The following KLF12 variants were observed in gnomAD, a reference collection of about 807,000 sequenced individuals.
KLF12 encodes KLF transcription factor 12, also known as Krueppel-like factor 12.
A neutral mutation model predicts 37.8 loss-of-function variants in KLF12; 9 were observed. That is an observed-to-expected ratio of 0.24 (90% CI 0.14 to 0.42). The LOEUF (loss-of-function observed/expected upper bound fraction) is 0.42, where lower values mean the gene tolerates loss of function less well. Among genes scored for constraint, KLF12 ranks in the 10% least tolerant of loss-of-function variants. The pLI is 1.00. For synonymous variants in KLF12, 208 were observed against 202.1 expected, an observed-to-expected ratio of 1.03 and a Z score of -0.25; for missense variants, 411 against 516.0, an observed-to-expected ratio of 0.80 and a Z score of 1.97.
intron 5 of KLF12, among the ~76,000 whole-genome samples, chr13:73,807,954 A>G (rs1882733064): frequency 6.6e-6 from 1 of 152,200 alleles, no homozygotes; most frequent in Admixed American, 6.5e-5. Flanking sequence ...ATAAATGAGC[A>G]TTATGAATGT....
intron 5 of KLF12, among the ~76,000 whole-genome samples, chr13:73,793,056 G>C (rs1369686109): frequency 6.6e-6 from 1 of 152,136 alleles, no homozygotes; most frequent in Non-Finnish European, 1.5e-5. Context: ...ACATGAATTT[G>C]AAAACAACTA....
At chr13:73,776,970 T>C (rs982337559) in intron 5 of KLF12, among the ~76,000 whole-genome samples, 1 of 152,050 alleles carries the variant, frequency 6.6e-6, no homozygotes, top group Non-Finnish European at 1.5e-5. Flanking sequence ...TGGGGAAGTA[T>C]ACAATAGTCT....
At chr13:74,063,990 A>G (rs910274335) in intron 1 of KLF12, among the ~76,000 whole-genome samples, 9 of 152,220 alleles carry the variant, frequency 5.9e-5, no homozygotes, top group Non-Finnish European at 1.2e-4. Flanking sequence ...AGAAGCTTCC[A>G]TATGATTCTA....
upstream of KLF12, among the ~76,000 whole-genome samples, chr13:74,134,136 G>A (rs929983081): frequency 7.4e-6 from 1 of 135,142 alleles, no homozygotes; most frequent in Non-Finnish European, 1.6e-5. Flanking sequence ...GCAGCCCGCA[G>A]CTCAGGAAAC....
At chr13:74,174,664 A>G in the KLF12 span, among the ~76,000 whole-genome samples, 9 of 152,106 alleles carry the variant, frequency 5.9e-5, no homozygotes, top group Non-Finnish European at 7.3e-5. Flanking sequence ...AGAGCAACAG[A>G]TGGTTTAACT....
At chr13:73,747,673 G>C (rs1261358889) in intron 6 of KLF12, among the ~76,000 whole-genome samples, 11 of 152,088 alleles carry the variant, frequency 7.2e-5, no homozygotes, top group African/African-American at 2.7e-4. Context: ...ATGTAATATA[G>C]TGCATTTAAT....
the KLF12 span, among the ~76,000 whole-genome samples, chr13:74,249,948 C>T: frequency 6.6e-6 from 1 of 152,152 alleles, no homozygotes; most frequent in Non-Finnish European, 1.5e-5. Flanking sequence ...GTAATCAGGT[C>T]ACTCAACAGT....
intron 3 of KLF12, among the ~76,000 whole-genome samples, chr13:73,849,088 A>G (rs543800371): frequency 4.4e-4 from 67 of 152,276 alleles, no homozygotes; most frequent in Non-Finnish European, 7.5e-4. Flanking sequence ...TAAAGCCAGA[A>G]GTACTGCAAA....
chr13:73,733,217 A>G (rs1418577369), intron 6 of KLF12, among the ~76,000 whole-genome samples: 1 of 152,194 alleles, frequency 6.6e-6, no homozygotes, highest in African/African-American at 2.4e-5. Flanking sequence ...AAGTACAGTC[A>G]CACTATTGTG....
At chr13:73,830,010 C>T (rs963663476) in intron 4 of KLF12, among the ~76,000 whole-genome samples, 4 of 152,124 alleles carry the variant, frequency 2.6e-5, no homozygotes, top group African/African-American at 9.7e-5. Context: ...GTATGAAGGA[C>T]TTATCATGGT....
At chr13:74,238,823 TTC>T in the KLF12 span, among the ~76,000 whole-genome samples, 2 of 152,168 alleles carry the variant, frequency 1.3e-5, no homozygotes, top group Admixed American at 6.5e-5. Context: ...TACTTGATTC[TTC>T]TCTCTTTTTT....
At chr13:73,991,646 A>G (rs903351433) in intron 2 of KLF12, among the ~76,000 whole-genome samples, 1 of 152,090 alleles carries the variant, frequency 6.6e-6, no homozygotes, top group Non-Finnish European at 1.5e-5. Flanking sequence ...TTCCAGATCA[A>G]ACAGACAGAT....
At chr13:74,234,680 T>C in the KLF12 span, among the ~76,000 whole-genome samples, 2 of 152,156 alleles carry the variant, frequency 1.3e-5, no homozygotes, top group African/African-American at 2.4e-5. Flanking sequence ...ATACATACAT[T>C]TGGAGACCAT....
intron 6 of KLF12, among the ~76,000 whole-genome samples, chr13:73,742,154 G>T (rs1388495139): frequency 6.6e-6 from 1 of 151,446 alleles, no homozygotes; most frequent in African/African-American, 2.4e-5. Flanking sequence ...ATAAGCAAAG[G>T]GAAAAAAAAT....
the KLF12 span, among the ~76,000 whole-genome samples, chr13:74,183,030 C>T: frequency 5.7e-4 from 87 of 152,238 alleles, no homozygotes; most frequent in African/African-American, 2.0e-3. Flanking sequence ...CCTGACCAAA[C>T]CATTTTTAAC....
chr13:74,170,969 TG>T, the KLF12 span, among the ~76,000 whole-genome samples: 1 of 152,128 alleles, frequency 6.6e-6, no homozygotes, highest in Non-Finnish European at 1.5e-5. Flanking sequence ...TTCACCATGT[TG>T]GCCAGGCTGG....
At chr13:74,090,290 T>C (rs1038487694) in intron 1 of KLF12, among the ~76,000 whole-genome samples, 1 of 152,018 alleles carries the variant, frequency 6.6e-6, no homozygotes, top group African/African-American at 2.4e-5. Context: ...AAATTAAAGA[T>C]CTGAATGAAA....
chr13:73,879,486 A>G (rs1174995590), intron 3 of KLF12, among the ~76,000 whole-genome samples: 1 of 152,254 alleles, frequency 6.6e-6, no homozygotes, highest in Non-Finnish European at 1.5e-5. Context: ...AACTCTAAGA[A>G]AAGTTAGACT....
chr13:73,714,269 CCTGTCTCTAA>C (rs1311410491), intron 7 of KLF12, among the ~76,000 whole-genome samples: 2 of 152,074 alleles, frequency 1.3e-5, no homozygotes, highest in African/African-American at 4.8e-5. Context: ...ATAGTGAGAC[CCTGTCTCTAA>C]TTAAGTAGGA....
Sources: gnomAD v4.1 joint callset for allele counts (sites outside exome capture counted in the v4.1 genomes callset) on GRCh38, gnomAD v4.1.1 for gene constraint, MANE v1.5 for transcripts, NCBI Gene and HGNC (gene_info 2026-07-23, HGNC 2026-07-21) for gene names.